MASP1: variants seen among roughly 807,000 people sequenced by gnomAD.
The protein encoded by MASP1 is mannan-binding lectin serine protease 1.
A neutral mutation model predicts 77.1 loss-of-function variants in MASP1; 59 were observed. The observed-to-expected ratio is 0.77, with a 90% confidence interval of 0.62 to 0.95. The LOEUF (loss-of-function observed/expected upper bound fraction) is 0.95, where lower values mean the gene tolerates loss of function less well. Ranked by LOEUF, MASP1 falls within the 40% of genes least tolerant of loss-of-function variation. The pLI is 0.00. For synonymous variants in MASP1, 362 were observed against 354.5 expected (o/e 1.02, Z -0.24); for missense variants, 885 against 912.9 (o/e 0.97, Z 0.39).
chr3:187,291,606 C>T, intron 1 of MASP1, 22 bp downstream of exon 1: 1 of 1,614,182 alleles, frequency 6.2e-7, no homozygotes, highest in Non-Finnish European at 8.5e-7. Flanking sequence ...GGAACCGTGC[C>T]CTCTCCTCCC....
chr3:187,286,085 C>A (rs1048532209), intron 1 of MASP1, 29 bp from the exon 2 acceptor site: 3 of 1,540,678 alleles, frequency 1.9e-6, no homozygotes, highest in Non-Finnish European at 1.8e-6. Context: ...GGTCTACTTA[C>A]ATTTATAAAC....
intron 2 of MASP1, among the ~76,000 whole-genome samples, chr3:187,270,332 G>A (rs997348831): frequency 2.6e-5 from 4 of 152,058 alleles, no homozygotes; most frequent in Admixed American, 6.6e-5. Context: ...CAGCAAGAAC[G>A]CCCCATCCCT....
At chr3:187,239,651 C>T (rs552511841) in intron 10 of MASP1, among the ~76,000 whole-genome samples, 5 of 152,312 alleles carry the variant, frequency 3.3e-5, no homozygotes, top group East Asian at 1.9e-4. Context: ...TCTACAGCTC[C>T]GCCATTCCTC....
At position 187,260,625 on chromosome 3, in the gene MASP1, C is replaced by T. The variant is rs1033397115; in HGVS notation, c.547+116G>A. ...CATCCATGTGGTGTCTGAGGTGCATCATTGACTTCATTTTTACTTGTTCCT... is the reference window on the plus strand; with the variant it reads ...CATCCATGTGGTGTCTGAGGTGCATTATTGACTTCATTTTTACTTGTTCCT... On this transcript the variant is annotated intron_variant, in intron 4 of 10. Coordinates refer to ENST00000296280, the MANE Select transcript of MASP1 (RefSeq NM_139125.4). The T allele has an allele frequency of 5.6e-6, 8 of 1,420,124 alleles. No homozygotes were observed. The South Asian group carries it at 8.2e-5, about 15-fold the overall frequency. 88.0% of individuals were successfully genotyped at this position (1,420,124 alleles called of 1,614,324 possible).
Position 187,234,492 on chromosome 3 carries a change from G to A in MASP1, c.*1192C>T, listed in dbSNP as rs1249126331. Reference sequence around the variant, plus strand: ...CAGACAAAGAAAATGATTTTTCAAAGGTTATACAGCCAGTTGGGGGCAGAG... The same window carrying A: ...CAGACAAAGAAAATGATTTTTCAAAAGTTATACAGCCAGTTGGGGGCAGAG... On this transcript the variant is annotated 3_prime_UTR_variant, in exon 11 of 11. Transcript: ENST00000296280. 3 of 1,286,008 alleles carry A rather than the reference G, an allele frequency of 2.3e-6. No individual in the cohort carries two copies. Among genetic ancestry groups the A allele is most frequent in the Non-Finnish European group, 3.0e-6 (3 of 987,682 alleles). The allele number at this position is 1,286,008 out of a possible 1,614,324, so 79.7% of individuals were successfully genotyped here. A position where few individuals can be genotyped will look rare whatever the true frequency, so the allele number is the denominator to read the frequency against.
At chr3:187,283,524 C>T (rs1717602252) in intron 2 of MASP1, among the ~76,000 whole-genome samples, 1 of 152,120 alleles carries the variant, frequency 6.6e-6, no homozygotes, top group Non-Finnish European at 1.5e-5. Context: ...TTCTCAATGA[C>T]TATGAAGTTA....
chr3:187,261,539 C>G (rs576154368), intron 3 of MASP1, among the ~76,000 whole-genome samples: 2 of 152,286 alleles, frequency 1.3e-5, no homozygotes, highest in African/African-American at 4.8e-5. Context: ...ACATACTCAC[C>G]AGAGTGATTA....
At chr3:187,256,909 G>T in intron 4 of MASP1, 49 bp from the exon 5 acceptor site, 1 of 1,520,396 alleles carries the variant, frequency 6.6e-7, no homozygotes, top group Non-Finnish European at 9.1e-7. Flanking sequence ...CACAGCCATA[G>T]CAAGCCTGGC....
At chr3:187,253,380 G>T (rs572318369) in intron 5 of MASP1, 65 bp from the exon 6 acceptor site, 1 of 1,540,020 alleles carries the variant, frequency 6.5e-7, no homozygotes, top group Non-Finnish European at 9.0e-7. Flanking sequence ...AATGGCCACT[G>T]CAGGTAACAC....
intron 11 of MASP1, among the ~76,000 whole-genome samples, chr3:187,228,115 C>T (rs189815300): frequency 6.6e-6 from 1 of 152,110 alleles, no homozygotes; most frequent in East Asian, 1.9e-4. Context: ...AATAAACATA[C>T]AATGAATCAC....
At chr3:187,283,560 G>A (rs1717604275) in intron 2 of MASP1, among the ~76,000 whole-genome samples, 1 of 152,078 alleles carries the variant, frequency 6.6e-6, no homozygotes, top group Non-Finnish European at 1.5e-5. Flanking sequence ...GGAGGAGAGG[G>A]GGCAAATTAT....
At position 187,235,317 on chromosome 3, in the gene MASP1, G is replaced by A. The variant is rs1249094205; in HGVS notation, c.*367C>T. 2 of 1,343,598 alleles carry A rather than the reference G, an allele frequency of 1.5e-6. No homozygotes were observed. 83.2% of individuals were successfully genotyped at this position (1,343,598 alleles called of 1,614,324 possible). Reference sequence around the variant, plus strand: ...CCAAGCTCAGTTATACCAACAGTAGGACCGATGGGTTTGATAAGTGGTCAG... The same window carrying A: ...CCAAGCTCAGTTATACCAACAGTAGAACCGATGGGTTTGATAAGTGGTCAG... On this transcript the variant is annotated 3_prime_UTR_variant, in exon 11 of 11. Transcript: ENST00000296280.
chr3:187,231,315 A>T (rs970271326), downstream of MASP1, among the ~76,000 whole-genome samples: 1 of 152,218 alleles, frequency 6.6e-6, no homozygotes, highest in Non-Finnish European at 1.5e-5. Flanking sequence ...AAACACAGTC[A>T]AGACTTTTCA....
chr3:187,253,184 G>C lies in MASP1; in HGVS notation c.876C>G (p.Leu292=). 6.2e-7 allele frequency: 1 copy of C among 1,614,090 alleles called. No homozygotes were observed. The highest frequency in any genetic ancestry group is 1.7e-5 in the Admixed American group (1 of 60,022). Residue 292 remains leucine (L), a synonymous_variant, in exon 6 of 11, where the codon CTC becomes CTG. Coordinates refer to ENST00000296280, the MANE Select transcript of MASP1 (RefSeq NM_139125.4). ...AGAGGTTACCTGCAGCCCTGTATGA[G>C]AGCCTCCAGCCCCGGTTCTCTCCCG... ...DNSGENRGWR[L]SYRAAGNECP...
chr3:187,273,894 G>C (rs1248548190), intron 2 of MASP1, among the ~76,000 whole-genome samples: 1 of 152,172 alleles, frequency 6.6e-6, no homozygotes, highest in Non-Finnish European at 1.5e-5. Flanking sequence ...CCTGGCTCAA[G>C]TCTTTCGGCC....
intron 3 of MASP1, among the ~76,000 whole-genome samples, chr3:187,261,814 A>C (rs186621891): frequency 2.0e-5 from 3 of 152,324 alleles, no homozygotes; most frequent in Admixed American, 2.0e-4. Flanking sequence ...AAAAATGGGG[A>C]GATTCCAAGT....
chr3:187,236,660 C>A, intron 10 of MASP1, 93 bp from the exon 11 acceptor site: 2 of 1,608,696 alleles, frequency 1.2e-6, no homozygotes, highest in Non-Finnish European at 1.7e-6. Context: ...ACATTTCACC[C>A]ACTATAGATT....
At chr3:187,225,606 G>T in intron 12 of MASP1, 2 of 1,290,588 alleles carry the variant, frequency 1.5e-6, no homozygotes, top group East Asian at 2.3e-5. Flanking sequence ...TCCAGCCCTT[G>T]CTTCCAGCCT....
chr3:187,260,963 C>G, intron 3 of MASP1, 91 bp from the exon 4 acceptor site: 1 of 1,419,514 alleles, frequency 7.0e-7, no homozygotes, highest in Non-Finnish European at 1.0e-6. Flanking sequence ...GGGCCACTCA[C>G]TATGTTAGGA....
Sources: allele counts gnomAD v4.1 joint callset (sites outside exome capture counted in the v4.1 genomes callset), GRCh38; gene constraint gnomAD v4.1.1; transcripts MANE v1.5; gene names NCBI Gene and HGNC (gene_info 2026-07-23, HGNC 2026-07-21).